The following CHD5 variants were observed in gnomAD, a reference collection of about 807,000 sequenced individuals.
The protein encoded by CHD5 is chromodomain helicase DNA binding protein 5.
CHD5 carries 69 observed loss-of-function variants against 230.3 expected under a neutral mutation model. The ratio of observed to expected loss-of-function variants is 0.30; its 90% confidence interval spans 0.25 to 0.37. The LOEUF (loss-of-function observed/expected upper bound fraction) is 0.37, where lower values mean the gene tolerates loss of function less well. Ranked by LOEUF, CHD5 falls within the 10% of genes least tolerant of loss-of-function variation. CHD5 has a pLI of 1.00. For missense variants in CHD5, 1,827 were observed against 2,622.8 expected (o/e 0.70, Z 6.63); for synonymous variants, 1,064 against 1,065.9 (o/e 1.00, Z 0.03).
At chr1:6,123,438 T>C (rs1460876587) in intron 31 of CHD5, among the ~76,000 whole-genome samples, 1 of 152,068 alleles carries the variant, frequency 6.6e-6, no homozygotes, top group Non-Finnish European at 1.5e-5. Flanking sequence ...GTACTTTTTT[T>C]TTTTTGAGAT....
In CHD5 at chr1:6,106,278, G is replaced by C; in HGVS notation, c.*2C>G. The C allele has an allele frequency of 6.2e-7, 1 of 1,612,824 alleles. No individual in the cohort carries two copies. Among genetic ancestry groups the C allele is most frequent in the Non-Finnish European group, 8.5e-7 (1 of 1,179,990 alleles). ...TGCAACACAGGGAAGTCTCGAGGAC[G>C]GCTAGATATCTGTCAAAAAAAGAGG... On this transcript the variant is annotated 3_prime_UTR_variant, in exon 41 of 42. Coordinates refer to ENST00000262450, the MANE Select transcript of CHD5 (RefSeq NM_015557.3).
chr1:6,157,283 G>A (rs191999352), intron 3 of CHD5, among the ~76,000 whole-genome samples: 51 of 152,332 alleles, frequency 3.3e-4, no homozygotes, highest in Non-Finnish European at 6.6e-4. Flanking sequence ...CCTGGACATG[G>A]GAGGCCTGCT....
At chr1:6,143,997 C>T in intron 12 of CHD5, 27 bp downstream of exon 12, 3 of 1,614,096 alleles carry the variant, frequency 1.9e-6, no homozygotes, top group Non-Finnish European at 2.5e-6. Context: ...GCAGCCTGTG[C>T]CTAGCAGCCG....
Position 6,144,020 on chromosome 1 carries a change from C to A in CHD5, c.1934+4G>T. 6.2e-7 allele frequency: 1 copy of A among 1,614,140 alleles called. No individual in the cohort carries two copies. Among genetic ancestry groups the A allele is most frequent in the Non-Finnish European group, 8.5e-7 (1 of 1,180,032 alleles). On this transcript the variant is annotated splice_donor_region_variant and intron_variant, in intron 12 of 41. Coordinates refer to ENST00000262450, the MANE Select transcript of CHD5 (RefSeq NM_015557.3). ...TGCCTAGCAGCCGGATCCCTGCGAC[C>A]CACCTGTGGCCCCAGTAGGCCTGCT...
Position 6,146,179 on chromosome 1 carries a change from C to G in CHD5, c.1802+33G>C, listed in dbSNP as rs115253333. On this transcript the variant is annotated intron_variant, in intron 11 of 41. Transcript: ENST00000262450. The surrounding 1 kb of genome is among the most constrained non-coding windows in gnomAD (Gnocchi z 5.1). ...AGAAGCTGACGTGGCCCGGCCCCAGCGATGGGCAGGGTGGCCGCCTGCAGG... is the reference window on the plus strand; with the variant it reads ...AGAAGCTGACGTGGCCCGGCCCCAGGGATGGGCAGGGTGGCCGCCTGCAGG... 1.2e-6 allele frequency: 2 copies of G among 1,602,404 alleles called. No homozygotes were observed. Among genetic ancestry groups the G allele is most frequent in the Non-Finnish European group, 1.7e-6 (2 of 1,170,994 alleles).
chr1:6,108,101 ATGG>A (rs1156529803), intron 38 of CHD5, among the ~76,000 whole-genome samples: 2 of 122,540 alleles, frequency 1.6e-5, no homozygotes, highest in Admixed American at 8.2e-5. Flanking sequence ...TGATGGAGGG[ATGG>A]TGGAGACATG....
In CHD5 at chr1:6,149,071, T is replaced by A; in HGVS notation, c.1166A>T (p.Lys389Met). The A allele has an allele frequency of 6.5e-7, 1 of 1,530,608 alleles. No homozygotes were observed. Among genetic ancestry groups the A allele is most frequent in the Non-Finnish European group, 8.8e-7 (1 of 1,138,716 alleles). The allele number at this position is 1,530,608 out of a possible 1,614,324, so 94.8% of individuals were successfully genotyped here. Residue 389 changes from lysine to methionine, a missense_variant, in exon 9 of 42, where the codon AAG becomes ATG. This residue lies in a region of CHD5 where 657 missense variants were observed against 816.4 expected (regional missense o/e 0.80). Coordinates refer to ENST00000262450, the MANE Select transcript of CHD5 (RefSeq NM_015557.3). Reference sequence around the variant, plus strand: ...CTTCGGCTCCCACTGGATCCCCTCCTTCTCCTGGGGGAGGAGGCCAGGTGG... The same window carrying A: ...CTTCGGCTCCCACTGGATCCCCTCCATCTCCTGGGGGAGGAGGCCAGGTGG... ...EGKWSCPHCE[K>M]EGIQWEPKDD...
rs1349713598 is a variant in CHD5, at chr1:6,125,791, G to A, written c.4146C>T (p.Asp1382=). Residue 1382 remains aspartate (D), a synonymous_variant, in exon 27 of 42, where the codon GAC becomes GAT. Transcript: ENST00000262450. The surrounding 1 kb of genome is among the most constrained non-coding windows in gnomAD (Gnocchi z 6.7). ...YSIGSEDEDE[D]FEERPEGQSG... ...TCTGCCCTTCCGGCCTCTCTTCAAA[G>A]TCCTCATCCTCATCCTCAGAGCCAA... 1.2e-6 allele frequency: 2 copies of A among 1,613,786 alleles called. No individual in the cohort carries two copies. The highest frequency in any genetic ancestry group is 1.7e-5 in the Admixed American group (1 of 60,020).
rs750273555 is a variant in CHD5 at position 6,129,185 on chromosome 1, C to T, written c.3388-116G>A. On this transcript the variant is annotated intron_variant, in intron 22 of 41. Transcript: ENST00000262450. The surrounding 1 kb of genome is among the most constrained non-coding windows in gnomAD (Gnocchi z 6.8). ...GGCTGCATGACTGTGTAGGGAAAGGCGTGTGGTGCGTCCAGGTGTGTGGAG... is the reference window on the plus strand; with the variant it reads ...GGCTGCATGACTGTGTAGGGAAAGGTGTGTGGTGCGTCCAGGTGTGTGGAG... The T allele has an allele frequency of 2.8e-5, 20 of 704,290 alleles. No individual in the cohort carries two copies. The highest frequency in any genetic ancestry group is 3.5e-5 in the African/African-American group (2 of 56,764). The allele number at this position is 704,290 out of a possible 1,614,324, so 43.6% of individuals were successfully genotyped here. A position where few individuals can be genotyped will look rare whatever the true frequency, so the allele number is the denominator to read the frequency against.
chr1:6,152,931 C>A (rs1667028649), intron 5 of CHD5, among the ~76,000 whole-genome samples: 1 of 152,234 alleles, frequency 6.6e-6, no homozygotes, highest in South Asian at 2.1e-4. Flanking sequence ...CAAAGGATGT[C>A]TTGGAGCCAA....
rs1251176980 is a variant in CHD5 at position 6,129,419 on chromosome 1, T to C, written c.3388-350A>G. On this transcript the variant is annotated intron_variant, in intron 22 of 41. Transcript: ENST00000262450. The surrounding 1 kb of genome is among the most constrained non-coding windows in gnomAD (Gnocchi z 6.8). ...TGGGGGCCACGGGGAGGTAGGAGGCTGCATTTCCCTGTGAGCGAACCACTA... is the reference window on the plus strand; with the variant it reads ...TGGGGGCCACGGGGAGGTAGGAGGCCGCATTTCCCTGTGAGCGAACCACTA... 6.6e-6 allele frequency among the ~76,000 whole-genome samples: 1 copy of C among 152,100 alleles called. No homozygotes were observed. Among genetic ancestry groups the C allele is most frequent in the Non-Finnish European group, 1.5e-5 (1 of 68,008 alleles).
intron 33 of CHD5, 199 bp from the exon 34 acceptor site, chr1:6,113,197 G>T (rs1013881865): frequency 5.3e-6 from 3 of 566,580 alleles, no homozygotes; most frequent in Non-Finnish European, 6.3e-6. Context: ...GCCGAGGCAG[G>T]AGGATCACTT....
At chr1:6,135,085 G>A in intron 18 of CHD5, 145 bp downstream of exon 18, 2 of 1,022,546 alleles carry the variant, frequency 2.0e-6, no homozygotes, top group Non-Finnish European at 1.5e-6. Context: ...CCTGAGAAGA[G>A]GCCCCACGAA....
intron 38 of CHD5, among the ~76,000 whole-genome samples, chr1:6,108,088 G>C (rs1469439278): frequency 6.9e-6 from 1 of 145,228 alleles, no homozygotes; most frequent in Non-Finnish European, 1.5e-5. Flanking sequence ...AGAGATGGAG[G>C]GATGATGGAG....
chr1:6,162,558 C>T (rs970518466), intron 2 of CHD5, among the ~76,000 whole-genome samples: 1 of 152,198 alleles, frequency 6.6e-6, no homozygotes, highest in South Asian at 2.1e-4. Context: ...GCAGGGGACT[C>T]GGCCAAGCCA....
At chr1:6,160,891 C>T (rs534341684) in intron 2 of CHD5, among the ~76,000 whole-genome samples, 4 of 152,288 alleles carry the variant, frequency 2.6e-5, no homozygotes, top group South Asian at 2.1e-4. Flanking sequence ...TTACTTGTGG[C>T]CTTTAGAGAC....
In CHD5 at chr1:6,126,223, C is replaced by T. The variant is rs72852005; in HGVS notation, c.4078+349G>A. Among the ~76,000 whole-genome samples the T allele has an allele frequency of 3.7e-3, 556 of 152,288 alleles. 2 individuals carry two copies. The highest frequency in any genetic ancestry group is 0.012 in the African/African-American group (509 of 41,562). On this transcript the variant is annotated intron_variant, in intron 26 of 41. Coordinates refer to ENST00000262450, the MANE Select transcript of CHD5 (RefSeq NM_015557.3). The surrounding 1 kb of genome is among the most constrained non-coding windows in gnomAD (Gnocchi z 5.7). ...AAAGCTGCCTCCCAGCTCCAACCAG[C>T]GCCGCCCAGCGTTCCTGGCCCCCAC...
At chr1:6,141,770 T>C (rs1005583273) in intron 15 of CHD5, among the ~76,000 whole-genome samples, 3 of 152,158 alleles carry the variant, frequency 2.0e-5, no homozygotes, top group Non-Finnish European at 1.5e-5. Context: ...ACGCGACAGC[T>C]GTAGGCCAGT....
chr1:6,159,963 C>CA (rs556170049), intron 2 of CHD5, among the ~76,000 whole-genome samples: 1 of 151,234 alleles, frequency 6.6e-6, no homozygotes, highest in Admixed American at 6.6e-5. Context: ...GTCCCAGAGT[C>CA]AAAAAGCAAA....
Sources: allele counts gnomAD v4.1 joint callset (sites outside exome capture counted in the v4.1 genomes callset), GRCh38; gene constraint gnomAD v4.1.1; regional missense constraint gnomAD v4.1.1; non-coding constraint Gnocchi (gnomAD v3.1); transcripts MANE v1.5; gene names NCBI Gene and HGNC (gene_info 2026-07-23, HGNC 2026-07-21).